The following SPIDR variants were observed in gnomAD, a reference collection of about 807,000 sequenced individuals.
SPIDR encodes the protein DNA repair-scaffolding protein.
SPIDR carries 93 observed loss-of-function variants against 104.6 expected under a neutral mutation model. The ratio of observed to expected loss-of-function variants is 0.89; its 90% confidence interval spans 0.75 to 1.06. SPIDR has a LOEUF of 1.06. Ranked by LOEUF, SPIDR falls within the 50% of genes least tolerant of loss-of-function variation. The pLI is 0.00. For missense variants in SPIDR, 1,154 were observed against 1,111.2 expected, an observed-to-expected ratio of 1.04 and a Z score of -0.55; for synonymous variants, 431 against 416.9, an observed-to-expected ratio of 1.03 and a Z score of -0.41.
chr8:47,264,741 T>A lies in SPIDR; in HGVS notation c.33+3750T>A, dbSNP rs1272686646. On this transcript the variant is annotated intron_variant, in intron 1 of 19. Coordinates refer to ENST00000297423, the MANE Select transcript of SPIDR (RefSeq NM_001080394.4). ...GTCTCCTGGGTTCAAGTTCTCTGAA[T>A]AGGGCAATATACCTAACATTGAGTT... is the stretch of plus-strand genomic sequence containing the variant. Among the ~76,000 whole-genome samples the A allele has an allele frequency of 2.6e-5, 4 of 151,960 alleles. No individual in the cohort carries two copies. The East Asian group carries it at 7.7e-4, about 29-fold the overall frequency.
chr8:47,697,343 T>C (rs2079482211), intron 11 of SPIDR, among the ~76,000 whole-genome samples: 1 of 152,038 alleles, frequency 6.6e-6, no homozygotes, highest in African/African-American at 2.4e-5. Flanking sequence ...TTATGGTAAA[T>C]ATAATTTTCA....
rs2073044315 is a variant in SPIDR at position 47,456,726 on chromosome 8, T to G, written c.1097+16184T>G. ...CACCCATCACCCAAGCAGTATACAC[T>G]GAACCCAATTTGTAGTCTTTTCCTC... On this transcript the variant is annotated intron_variant, in intron 8 of 19. Coordinates refer to ENST00000297423, the MANE Select transcript of SPIDR (RefSeq NM_001080394.4). Among the ~76,000 whole-genome samples the G allele has an allele frequency of 7.9e-5, 12 of 152,256 alleles. 1 individual carries two copies. The South Asian group carries it at 2.5e-3, about 32-fold the overall frequency.
intron 8 of SPIDR, among the ~76,000 whole-genome samples, chr8:47,464,298 A>G (rs2074421242): frequency 6.6e-6 from 1 of 152,190 alleles, no homozygotes; most frequent in South Asian, 2.1e-4. Context: ...TTTAAAAACC[A>G]CTTAGGAAAA....
intron 16 of SPIDR, among the ~76,000 whole-genome samples, chr8:47,720,912 C>T (rs1232234751): frequency 6.6e-6 from 1 of 152,094 alleles, no homozygotes; most frequent in Non-Finnish European, 1.5e-5. Flanking sequence ...CGCCTGCCAC[C>T]ATGCCCAGCT....
chr8:47,724,763 A>G (rs1270057705), intron 16 of SPIDR, among the ~76,000 whole-genome samples: 1 of 152,188 alleles, frequency 6.6e-6, no homozygotes, highest in Non-Finnish European at 1.5e-5. Context: ...TCCAGGTCTC[A>G]GTGATGGGGT....
At chr8:47,447,771 A>C (rs1278487536) in intron 8 of SPIDR, among the ~76,000 whole-genome samples, 1 of 152,058 alleles carries the variant, frequency 6.6e-6, no homozygotes, top group Non-Finnish European at 1.5e-5. Flanking sequence ...TGCCACAGCC[A>C]CTCCAGCCTT....
At chr8:47,623,207 G>A (rs2065426710) in intron 10 of SPIDR, among the ~76,000 whole-genome samples, 1 of 152,094 alleles carries the variant, frequency 6.6e-6, no homozygotes, top group South Asian at 2.1e-4. Flanking sequence ...GTCACCACCA[G>A]GCCTGCCCTA....
intron 5 of SPIDR, among the ~76,000 whole-genome samples, chr8:47,317,321 G>A (rs1036664416): frequency 1.3e-5 from 2 of 151,974 alleles, no homozygotes; most frequent in Admixed American, 6.5e-5. Context: ...CGCCTGGCTC[G>A]GAGGGTCCTA....
intron 8 of SPIDR, among the ~76,000 whole-genome samples, chr8:47,468,767 A>G (rs1425340141): frequency 6.6e-6 from 1 of 152,212 alleles, no homozygotes; most frequent in African/African-American, 2.4e-5. Flanking sequence ...CGCTCTGGAC[A>G]TAAAATTTAG....
At chr8:47,346,899 A>G (rs577859545) in intron 5 of SPIDR, among the ~76,000 whole-genome samples, 3 of 152,126 alleles carry the variant, frequency 2.0e-5, no homozygotes, top group African/African-American at 7.2e-5. Flanking sequence ...TTTTCAAAAA[A>G]ACAGCCCCTG....
intron 10 of SPIDR, among the ~76,000 whole-genome samples, chr8:47,652,858 C>A (rs1187236162): frequency 1.3e-5 from 2 of 152,170 alleles, no homozygotes; most frequent in Non-Finnish European, 2.9e-5. Flanking sequence ...CCAAGCCAGT[C>A]AGTCAGCTTA....
chr8:47,466,183 A>G (rs782584726), intron 8 of SPIDR, among the ~76,000 whole-genome samples: 1 of 152,328 alleles, frequency 6.6e-6, no homozygotes, highest in Non-Finnish European at 1.5e-5. Context: ...CCTGATAAAC[A>G]TATACAGAAC....
At chr8:47,627,094 T>C in intron 10 of SPIDR, among the ~76,000 whole-genome samples, 1 of 152,178 alleles carries the variant, frequency 6.6e-6, no homozygotes, top group Non-Finnish European at 1.5e-5. Context: ...TGTAGGGACA[T>C]GGATGAAGGT....
intron 8 of SPIDR, among the ~76,000 whole-genome samples, chr8:47,558,932 C>T (rs1320126400): frequency 2.0e-5 from 3 of 152,210 alleles, no homozygotes; most frequent in Non-Finnish European, 2.9e-5. Flanking sequence ...AGCCACCGCA[C>T]CAGCCCAGCT....
chr8:47,447,752 C>T (rs1239168116), intron 8 of SPIDR, among the ~76,000 whole-genome samples: 1 of 152,154 alleles, frequency 6.6e-6, no homozygotes, highest in Non-Finnish European at 1.5e-5. Flanking sequence ...TTATTGTTCT[C>T]TAAGAAATTG....
chr8:47,318,287 C>G (rs192316978), intron 5 of SPIDR, among the ~76,000 whole-genome samples: 2 of 152,090 alleles, frequency 1.3e-5, no homozygotes, highest in South Asian at 4.2e-4. Context: ...ATGAGAACTA[C>G]GTGACGAATG....
chr8:47,466,431 ATAAT>A (rs1483171908), intron 8 of SPIDR, among the ~76,000 whole-genome samples: 2 of 152,224 alleles, frequency 1.3e-5, no homozygotes, highest in African/African-American at 4.8e-5. Flanking sequence ...TTCTGGGTAA[ATAAT>A]AAAATTAGAG....
intron 5 of SPIDR, 86 bp from the exon 6 acceptor site, chr8:47,396,290 A>G: frequency 1.8e-6 from 2 of 1,130,616 alleles, no homozygotes; most frequent in East Asian, 4.9e-5. Flanking sequence ...CTGTAAGGGA[A>G]TGGAATGATA....
chr8:47,650,432 A>G (rs1049020954), intron 10 of SPIDR, among the ~76,000 whole-genome samples: 2 of 152,162 alleles, frequency 1.3e-5, no homozygotes, highest in Admixed American at 6.5e-5. Flanking sequence ...ACCGGAAAAC[A>G]CTGCTGGAAA....
Sources: allele counts gnomAD v4.1 joint callset (sites outside exome capture counted in the v4.1 genomes callset), GRCh38; gene constraint gnomAD v4.1.1; transcripts MANE v1.5; gene names NCBI Gene and HGNC (gene_info 2026-07-23, HGNC 2026-07-21).